The following SEC14L3 variants were observed in gnomAD, a reference collection of about 807,000 sequenced individuals.
SEC14L3 encodes the protein SEC14-like protein 3.
Under a neutral mutation model 57.4 loss-of-function variants are expected in SEC14L3, and 56 were observed. The observed-to-expected ratio is 0.97, with a 90% CI of 0.79 to 1.22. The LOEUF (loss-of-function observed/expected upper bound fraction) is 1.22. Among genes scored for constraint, SEC14L3 ranks in the 50% most tolerant of loss-of-function variants. The pLI is 0.00. For synonymous variants in SEC14L3, 173 were observed against 194.4 expected, an observed-to-expected ratio of 0.89 and a Z score of 0.92; for missense variants, 485 against 511.7, an observed-to-expected ratio of 0.95 and a Z score of 0.50.
Position 30,464,843 on chromosome 22 carries a change from C to A in SEC14L3, c.641G>T (p.Arg214Leu). 6.2e-7 allele frequency: 1 copy of A among 1,613,862 alleles called. No homozygotes were observed. The highest frequency in any genetic ancestry group is 1.7e-5 in the Admixed American group (1 of 60,012). The change falls in exon 8 of 12, where the codon CGC (arginine) becomes CTC (leucine). Residue 214 changes from arginine to leucine, a missense_variant. Transcript: ENST00000215812. ...LMKPFLSEDTRRKIIVLGNNW... is the reference protein window; with the variant it reads ...LMKPFLSEDTLRKIIVLGNNW... The stretch of plus-strand genomic sequence containing the variant: ...ACTTCCCAACACAATAATTTTCCTG[C>A]GAGTGTCCTCACTCAGGAATGGCTT...
In SEC14L3 at chr22:30,471,888, G is replaced by C. The variant is rs1935624298; in HGVS notation, c.54+17C>G. 1.2e-6 allele frequency: 2 copies of C among 1,613,256 alleles called. No individual in the cohort carries two copies. The highest frequency in any genetic ancestry group is 1.3e-5 in the African/African-American group (1 of 74,876). ...TTTCCCCTGGTCTTCCGGAACTCCA[G>C]GGGGAGGGGCTCTCACCTTGGCCAG... On this transcript the variant is annotated intron_variant, in intron 1 of 11. Coordinates refer to ENST00000215812, the MANE Select transcript of SEC14L3 (RefSeq NM_174975.5).
At chr22:30,454,586 A>G (rs1176442334), downstream of SEC14L3, among the ~76,000 whole-genome samples, 5 of 73,662 alleles carry the variant, frequency 6.8e-5, no homozygotes, top group South Asian at 2.8e-3. Flanking sequence ...CTATAATAAT[A>G]TTATTATATA....
chr22:30,466,486 G>A (rs1223897136), intron 6 of SEC14L3, 92 bp from the exon 7 acceptor site: 1 of 1,569,574 alleles, frequency 6.4e-7, no homozygotes, highest in Non-Finnish European at 8.7e-7. Context: ...GGTTTCAGAT[G>A]GCTCTGGAGG....
In SEC14L3 at chr22:30,466,512, A is replaced by G. The variant is rs541632016; in HGVS notation, c.520-118T>C. ...GCTCTGGAGGGTTTCCCTTCATGCC[A>G]TCACCTCCCCTGGCCTCTGGAGGGA... On this transcript the variant is annotated intron_variant, in intron 6 of 11. Coordinates refer to ENST00000215812, the MANE Select transcript of SEC14L3 (RefSeq NM_174975.5). 13 of 1,363,444 alleles carry G rather than the reference A, an allele frequency of 9.5e-6. No homozygotes were observed. The African/African-American group carries it at 1.2e-4, about 12-fold the overall frequency. 84.5% of individuals were successfully genotyped at this position (1,363,444 alleles called of 1,614,324 possible). A position where few individuals can be genotyped will look rare whatever the true frequency, so the allele number is the denominator to read the frequency against.
At chr22:30,469,930 C>T in intron 4 of SEC14L3, 89 bp downstream of exon 4, 1 of 1,025,170 alleles carries the variant, frequency 9.8e-7, no homozygotes, top group East Asian at 2.4e-5. Context: ...CCACAGGCCT[C>T]TCAGGCTTGC....
chr22:30,452,028 AAAAGAAAAG>A, intron 12 of SEC14L3, among the ~76,000 whole-genome samples: 1 of 149,382 alleles, frequency 6.7e-6, no homozygotes, highest in African/African-American at 2.5e-5. Context: ...AAAAGAAAAG[AAAAGAAAAG>A]AAAGAAGAAA....
chr22:30,452,388 G>T (rs903500000), intron 12 of SEC14L3, among the ~76,000 whole-genome samples: 1 of 151,618 alleles, frequency 6.6e-6, no homozygotes, highest in Non-Finnish European at 1.5e-5. Context: ...GGGATTACAG[G>T]CTCCGGCCAC....
At chr22:30,471,790 G>A in intron 1 of SEC14L3, 115 bp downstream of exon 1, 1 of 1,454,424 alleles carries the variant, frequency 6.9e-7, no homozygotes, top group South Asian at 1.1e-5. Flanking sequence ...ACACCAAAGA[G>A]ACAATGTCAA....
downstream of SEC14L3, among the ~76,000 whole-genome samples, chr22:30,454,419 T>C (rs1160885974): frequency 6.6e-6 from 1 of 150,722 alleles, no homozygotes; most frequent in East Asian, 1.9e-4. Context: ...GAGGAAGACC[T>C]GGAGGCAGTG....
intron 8 of SEC14L3, 125 bp from the exon 9 acceptor site, chr22:30,462,317 C>A (rs1437606430): frequency 2.2e-6 from 3 of 1,394,542 alleles, no homozygotes; most frequent in Non-Finnish European, 2.9e-6. Context: ...AGGACCAATT[C>A]CCCAGTGTCC....
intron 8 of SEC14L3, among the ~76,000 whole-genome samples, chr22:30,463,395 T>C (rs985987502): frequency 6.6e-6 from 1 of 152,160 alleles, no homozygotes; most frequent in African/African-American, 2.4e-5. Flanking sequence ...TACAGTGGTA[T>C]TAAGGGGAAG....
chr22:30,467,201 A>T, intron 5 of SEC14L3, 124 bp from the exon 6 acceptor site: 1 of 1,336,076 alleles, frequency 7.5e-7, no homozygotes, highest in Non-Finnish European at 1.0e-6. Context: ...AGGAACAAGT[A>T]GACTAACCAG....
intron 8 of SEC14L3, among the ~76,000 whole-genome samples, chr22:30,462,624 T>G (rs1393480019): frequency 6.6e-6 from 1 of 152,168 alleles, no homozygotes; most frequent in Non-Finnish European, 1.5e-5. Flanking sequence ...GGTTTCACTA[T>G]GTTGCCCAGG....
At chr22:30,468,773 C>G in intron 4 of SEC14L3, 77 bp from the exon 5 acceptor site, 1 of 1,612,930 alleles carries the variant, frequency 6.2e-7, no homozygotes, top group Non-Finnish European at 8.5e-7. Context: ...CCTGGGTGGC[C>G]CAAGCCTACA....
intron 11 of SEC14L3, 151 bp downstream of exon 11, chr22:30,461,159 G>C (rs1935243123): frequency 1.1e-6 from 1 of 937,724 alleles, no homozygotes; most frequent in African/African-American, 1.6e-5. Context: ...AATATGGACT[G>C]AGTGAGTGAC....
At chr22:30,454,839 A>G, downstream of SEC14L3, among the ~76,000 whole-genome samples, 2 of 62,962 alleles carry the variant, frequency 3.2e-5, no homozygotes, top group African/African-American at 1.5e-4. Flanking sequence ...ATATATAATA[A>G]TATATAATAT....
rs550717966 is a variant in SEC14L3, at chr22:30,468,806, T to C, written c.235-110A>G. 5.0e-6 allele frequency: 8 copies of C among 1,593,616 alleles called. No individual in the cohort carries two copies. The East Asian group carries it at 1.6e-4, about 32-fold the overall frequency. ...ACACACACCATGGTATAAAAAGCAC[T>C]GTCCCTCCCTGGAAGACAGTGCTAT... On this transcript the variant is annotated intron_variant, in intron 4 of 11. Coordinates refer to ENST00000215812, the MANE Select transcript of SEC14L3 (RefSeq NM_174975.5).
chr22:30,458,314 G>T (rs1935154663), downstream of SEC14L3, among the ~76,000 whole-genome samples: 1 of 152,216 alleles, frequency 6.6e-6, no homozygotes, highest in Non-Finnish European at 1.5e-5. Flanking sequence ...CAGATGCCAT[G>T]TGAGCAGCGG....
At chr22:30,463,581 C>A (rs1569229268) in intron 8 of SEC14L3, among the ~76,000 whole-genome samples, 1 of 152,284 alleles carries the variant, frequency 6.6e-6, no homozygotes, top group East Asian at 1.9e-4. Flanking sequence ...TTCCCCATCC[C>A]AGTGGAATTG....
Sources: gnomAD v4.1 joint callset for allele counts (sites outside exome capture counted in the v4.1 genomes callset) on GRCh38, gnomAD v4.1.1 for gene constraint, MANE v1.5 for transcripts, NCBI Gene and HGNC (gene_info 2026-07-23, HGNC 2026-07-21) for gene names.